The following TSC22D3 variants were observed in gnomAD, a reference collection of about 807,000 sequenced individuals.
The protein encoded by TSC22D3 is TSC22 domain family protein 3.
Under a neutral mutation model 11.1 loss-of-function variants are expected in TSC22D3, and 4 were observed. That is an observed-to-expected ratio of 0.36 (90% CI 0.18 to 0.83). The LOEUF is 0.83. TSC22D3 is among the 40% of genes least tolerant of loss of function. TSC22D3 has a pLI of 0.48. For synonymous variants in TSC22D3, 77 were observed against 70.3 expected (o/e 1.10, Z -0.48); for missense variants, 118 against 159.4 (o/e 0.74, Z 1.40).
intron 1 of TSC22D3, among the ~76,000 whole-genome samples, chrX:107,757,102 C>CT (rs1210854599): frequency 8.9e-6 from 1 of 112,565 alleles, no homozygotes; most frequent in Non-Finnish European, 1.9e-5. Flanking sequence ...GACGGACAGT[C>CT]TAACAATCAG....
intron 1 of TSC22D3, among the ~76,000 whole-genome samples, chrX:107,766,891 G>GCT (rs10690401): frequency 0.3 from 32,593 of 109,958 alleles, 6,800 homozygotes; most frequent in African/African-American, 0.75. Flanking sequence ...CAGTAACCTG[G>GCT]CTGTTACATA....
Position 107,714,723 on chromosome X carries a change from A to G in TSC22D3, c.399T>C (p.Tyr133=). ...GGATCTCCACCTCCTCTCTCACAGC[A>G]TACATCAGATGATTCTTCACCAGAT... ...AMDLVKNHLM[Y]AVREEVEILK... Residue 133 remains tyrosine, a synonymous_variant, in exon 3 of 3, where the codon TAT becomes TAC. Transcript: ENST00000372383. The G allele has an allele frequency of 8.3e-7, 1 of 1,211,589 alleles. No individual in the cohort carries two copies. The highest frequency in any genetic ancestry group is 1.1e-6 in the Non-Finnish European group (1 of 895,359).
chrX:107,746,199 G>T (rs1928644290), intron 1 of TSC22D3, among the ~76,000 whole-genome samples: 1 of 111,219 alleles, frequency 9.0e-6, no homozygotes, highest in Non-Finnish European at 1.9e-5. Flanking sequence ...CTGGGAGAGG[G>T]GGCACCTCTC....
At chrX:107,765,393 G>A (rs1230055342) in intron 1 of TSC22D3, among the ~76,000 whole-genome samples, 1 of 112,140 alleles carries the variant, frequency 8.9e-6, no homozygotes, top group African/African-American at 3.2e-5. Flanking sequence ...GGGTGCAGCT[G>A]CTCCACTCCT....
chrX:107,721,097 G>T (rs1927307018), intron 1 of TSC22D3, among the ~76,000 whole-genome samples: 1 of 111,909 alleles, frequency 8.9e-6, no homozygotes, highest in Admixed American at 9.4e-5. Flanking sequence ...TCACTGAGGA[G>T]CCAGGCCCTT....
rs995141227 is a variant in TSC22D3, at chrX:107,717,053, A to G, written c.321-1103T>C. The G allele has an allele frequency of 8.6e-5, 83 of 969,576 alleles. No homozygotes were observed. The African/African-American group carries it at 1.6e-3, about 18-fold the overall frequency. 79.9% of individuals were successfully genotyped at this position (969,576 alleles called of 1,213,427 possible). Reference sequence around the variant, plus strand: ...CACAAACTCCACGGCCGCCAGTCCAACCCAGACTCGGAGATATTTTGGCTC... The same window carrying G: ...CACAAACTCCACGGCCGCCAGTCCAGCCCAGACTCGGAGATATTTTGGCTC... On this transcript the variant is annotated intron_variant, in intron 1 of 2. Transcript: ENST00000372383.
chrX:107,768,821 G>A (rs1430950399), intron 1 of TSC22D3, among the ~76,000 whole-genome samples: 2 of 112,755 alleles, frequency 1.8e-5, no homozygotes, highest in Non-Finnish European at 3.7e-5. Context: ...CTTTAAAAAG[G>A]TATGCTAGAC....
chrX:107,726,130 C>T (rs1426838857), intron 1 of TSC22D3, among the ~76,000 whole-genome samples: 1 of 111,665 alleles, frequency 9.0e-6, no homozygotes, highest in Non-Finnish European at 1.9e-5. Flanking sequence ...ATCCTCACCC[C>T]ATTCCATTGC....
At chrX:107,739,233 C>T (rs747267325) in intron 1 of TSC22D3, among the ~76,000 whole-genome samples, 23 of 112,752 alleles carry the variant, frequency 2.0e-4, no homozygotes, top group African/African-American at 5.8e-4. Flanking sequence ...GAAATGCCCA[C>T]GTCAGCATCC....
rs1450492080 is a variant in TSC22D3 at position 107,713,318 on chromosome X, TC to T, written c.*1200del. ...TGGAACCATACATCAGGATAAGGTG[TC>T]AAAAAGTGGAAAGTGTTCACTCTCA... On this transcript the variant is annotated 3_prime_UTR_variant, in exon 3 of 3. Coordinates refer to ENST00000372383, the MANE Select transcript of TSC22D3 (RefSeq NM_198057.3). The T allele has an allele frequency of 9.0e-6, 1 of 111,451 alleles. No homozygotes were observed. The highest frequency in any genetic ancestry group is 3.3e-5 in the African/African-American group (1 of 30,520). The allele number at this position is 111,451 out of a possible 1,213,427, so 9.2% of individuals were successfully genotyped here. A position where few individuals can be genotyped will look rare whatever the true frequency, so the allele number is the denominator to read the frequency against.
intron 1 of TSC22D3, among the ~76,000 whole-genome samples, chrX:107,735,277 A>G (rs901455138): frequency 4.5e-5 from 5 of 111,660 alleles, no homozygotes; most frequent in Non-Finnish European, 9.4e-5. Flanking sequence ...AGAAAGACCA[A>G]CTTTGCCCCT....
intron 1 of TSC22D3, among the ~76,000 whole-genome samples, chrX:107,770,625 A>G (rs1315232389): frequency 2.7e-5 from 3 of 111,804 alleles, no homozygotes; most frequent in Middle Eastern, 4.6e-3. Flanking sequence ...GGGAAATCGG[A>G]TTCAGAGTAT....
Position 107,714,380 on chromosome X carries a change from C to T in TSC22D3, c.*139G>A. ...CTGGAGTGGACCCAGGTGGCCATGT[C>T]CTTAGGACATCTCTTGGCACCAGCT... On this transcript the variant is annotated 3_prime_UTR_variant, in exon 3 of 3. Coordinates refer to ENST00000372383, the MANE Select transcript of TSC22D3 (RefSeq NM_198057.3). The T allele has an allele frequency of 1.8e-6, 1 of 559,875 alleles. No individual in the cohort carries two copies. The highest frequency in any genetic ancestry group is 2.3e-5 in the African/African-American group (1 of 42,754). 46.1% of individuals were successfully genotyped at this position (559,875 alleles called of 1,213,427 possible). A position where few individuals can be genotyped will look rare whatever the true frequency, so the allele number is the denominator to read the frequency against.
At chrX:107,746,235 G>A (rs1366459336) in intron 1 of TSC22D3, among the ~76,000 whole-genome samples, 1 of 111,612 alleles carries the variant, frequency 9.0e-6, no homozygotes, top group Non-Finnish European at 1.9e-5. Flanking sequence ...ACAGAGAAAG[G>A]AGGGACACAT....
intron 1 of TSC22D3, among the ~76,000 whole-genome samples, chrX:107,734,297 C>G (rs962224773): frequency 8.9e-6 from 1 of 112,547 alleles, no homozygotes; most frequent in Non-Finnish European, 1.9e-5. Context: ...ATGACATTCT[C>G]CTTGGCTGGA....
chrX:107,766,560 A>G lies in TSC22D3; in HGVS notation c.320+8540T>C, dbSNP rs184628231. ...CTGCGACCTGTTCTGGGGCCTCTCCATGCACCACGCAGTTTCTTTAGCAGT... is the reference window on the plus strand; with the variant it reads ...CTGCGACCTGTTCTGGGGCCTCTCCGTGCACCACGCAGTTTCTTTAGCAGT... On this transcript the variant is annotated intron_variant, in intron 1 of 2. Coordinates refer to ENST00000372383, the MANE Select transcript of TSC22D3 (RefSeq NM_198057.3). Among the ~76,000 whole-genome samples the G allele has an allele frequency of 3.5e-3, 347 of 100,217 alleles. 1 individual carries two copies. The highest frequency in any genetic ancestry group is 0.013 in the African/African-American group (338 of 26,740). The allele number at this position is 100,217 out of a possible 115,157, so 87.0% of individuals were successfully genotyped here. A position where few individuals can be genotyped will look rare whatever the true frequency, so the allele number is the denominator to read the frequency against.
At chrX:107,716,034 C>T in intron 1 of TSC22D3, 84 bp from the exon 2 acceptor site, 1 of 1,013,494 alleles carries the variant, frequency 9.9e-7, no homozygotes, top group Non-Finnish European at 1.4e-6. Flanking sequence ...AGTCCTCCAT[C>T]TGCCTCGGCT....
At chrX:107,773,885 G>C (rs1193687430) in intron 1 of TSC22D3, among the ~76,000 whole-genome samples, 1 of 111,644 alleles carries the variant, frequency 9.0e-6, no homozygotes, top group African/African-American at 3.3e-5. Flanking sequence ...TTTCCTATTT[G>C]AGCCTGCTTG....
In TSC22D3 at chrX:107,713,742, T is replaced by G. The variant is rs970187881; in HGVS notation, c.*777A>C. The G allele has an allele frequency of 5.5e-5, 6 of 109,832 alleles. No homozygotes were observed. Among genetic ancestry groups the G allele is most frequent in the African/African-American group, 2.1e-4 (6 of 28,530 alleles). 9.1% of individuals were successfully genotyped at this position (109,832 alleles called of 1,213,427 possible). A position where few individuals can be genotyped will look rare whatever the true frequency, so the allele number is the denominator to read the frequency against. On this transcript the variant is annotated 3_prime_UTR_variant, in exon 3 of 3. Coordinates refer to ENST00000372383, the MANE Select transcript of TSC22D3 (RefSeq NM_198057.3). ...GGGTCAACTTGGTAAATGAACACAGTCAAAGACTTAGCCATAAGAGGTAAG... is the reference window on the plus strand; with the variant it reads ...GGGTCAACTTGGTAAATGAACACAGGCAAAGACTTAGCCATAAGAGGTAAG...
Sources: gnomAD v4.1 joint callset for allele counts (sites outside exome capture counted in the v4.1 genomes callset) on GRCh38, gnomAD v4.1.1 for gene constraint, MANE v1.5 for transcripts, NCBI Gene and HGNC (gene_info 2026-07-23, HGNC 2026-07-21) for gene names.